The following INF2 variants were observed in gnomAD, a reference collection of about 807,000 sequenced individuals.
The protein encoded by INF2 is inverted formin-2.
In INF2, 43 loss-of-function variants were observed where a neutral mutation model predicts 123.5. The ratio of observed to expected loss-of-function variants is 0.35; its 90% CI spans 0.27 to 0.45. INF2 has a LOEUF of 0.45. Ranked by LOEUF, INF2 falls within the 20% of genes least tolerant of loss-of-function variation. The pLI is 1.00. For synonymous variants in INF2, 851 were observed against 745.0 expected, an observed-to-expected ratio of 1.14 and a Z score of -2.32; for missense variants, 1,453 against 1,682.7, an observed-to-expected ratio of 0.86 and a Z score of 2.39.
At position 104,718,809 on chromosome 14, in the gene INF2, C is replaced by T. The variant is rs199912466; in HGVS notation, c.*16C>T. 6.3e-4 allele frequency: 1,024 copies of T among 1,613,044 alleles called. 3 individuals are homozygous for T. The highest frequency in any genetic ancestry group is 1.0e-3 in the Admixed American group (62 of 60,008). On this transcript the variant is annotated 3_prime_UTR_variant, in exon 23 of 23. Transcript: ENST00000392634. The stretch of plus-strand genomic sequence containing the variant: ...CTCTCTTACAGGCCTCAGGCCCAGG[C>T]CCAAGGCCAAGTGAGAGAGCCCAGG...
At chr14:104,706,197 C>T (rs374505172) in intron 6 of INF2, 21 bp downstream of exon 6, 14 of 1,548,178 alleles carry the variant, frequency 9.0e-6, no homozygotes, top group Admixed American at 5.8e-5. Context: ...GGCTGCAGGG[C>T]GGAGGGCAGC....
rs140767529 is a variant in INF2, at chr14:104,712,786, G to A, written c.2611-42G>A. ...CAGGGCCTCACCCCGGGTGGTGCCCGCGCGGGGCTCTCACGGGACTGTCAC... is the reference window on the plus strand; with the variant it reads ...CAGGGCCTCACCCCGGGTGGTGCCCACGCGGGGCTCTCACGGGACTGTCAC... On this transcript the variant is annotated intron_variant, in intron 17 of 22. Coordinates refer to ENST00000392634, the MANE Select transcript of INF2 (RefSeq NM_022489.4). 1,171 of 1,563,548 alleles carry A rather than the reference G, an allele frequency of 7.5e-4. 9 individuals are homozygous for A. The East Asian group carries it at 0.013, about 18-fold the overall frequency.
chr14:104,694,586 T>A (rs1175419183), intron 1 of INF2, among the ~76,000 whole-genome samples: 1 of 152,174 alleles, frequency 6.6e-6, no homozygotes, highest in African/African-American at 2.4e-5. Context: ...ATTGACACAC[T>A]CATCCGCATT....
intron 1 of INF2, among the ~76,000 whole-genome samples, chr14:104,693,799 G>T (rs1013090222): frequency 6.6e-6 from 1 of 152,330 alleles, no homozygotes; most frequent in East Asian, 1.9e-4. Context: ...CTGGGTCCTT[G>T]CAGGCCCTGG....
intron 1 of INF2, among the ~76,000 whole-genome samples, chr14:104,698,733 G>A (rs1019371883): frequency 4.6e-5 from 7 of 152,204 alleles, no homozygotes; most frequent in East Asian, 1.9e-4. Context: ...AGAGCCTGAC[G>A]GGGGGCCTGG....
At chr14:104,715,102 G>A (rs1002233041) in intron 21 of INF2, among the ~76,000 whole-genome samples, 182 bp from the exon 22 acceptor site, 4 of 152,214 alleles carry the variant, frequency 2.6e-5, no homozygotes, top group Admixed American at 1.3e-4. Flanking sequence ...AGGGAGTAGG[G>A]GGCGGACACC....
At position 104,714,272 on chromosome 14, in the gene INF2, A is replaced by G. The variant is rs781616845; in HGVS notation, c.3110A>G (p.Asp1037Gly). Residue 1037 changes from aspartate to glycine, a missense_variant, in exon 21 of 23, where the codon GAT (aspartate) becomes GGT (glycine). Asp to Gly is a moderately conservative substitution (Grantham distance 94, BLOSUM62 -1). Transcript: ENST00000392634. ...TRCPASEPGLDATTASESRGW... is the reference protein window; with the variant it reads ...TRCPASEPGLGATTASESRGW... Reference sequence around the variant, plus strand: ...TGTCCCGCCTCTGAGCCCGGCCTTGATGCTACAACAGCCAGCGAGTCCCGG... The same window carrying G: ...TGTCCCGCCTCTGAGCCCGGCCTTGGTGCTACAACAGCCAGCGAGTCCCGG... The G allele has an allele frequency of 1.3e-6, 2 of 1,594,980 alleles. No individual in the cohort carries two copies. The highest frequency in any genetic ancestry group is 1.1e-5 in the South Asian group (1 of 87,980).
chr14:104,699,260 T>G lies in INF2; in HGVS notation c.-9-2097T>G. On this transcript the variant is annotated intron_variant, in intron 1 of 22. Coordinates refer to ENST00000392634, the MANE Select transcript of INF2 (RefSeq NM_022489.4). This position sits in a 1 kb window ranked among gnomAD's most constrained non-coding sequence, Gnocchi z 4.7. The stretch of plus-strand genomic sequence containing the variant: ...CAGGGGCCGGGCCTGGGAGAGTTCA[T>G]AACTCCGTCCACTCAGCCTGTGCCA... 2.7e-6 allele frequency: 1 copy of G among 364,902 alleles called. No homozygotes were observed. Among genetic ancestry groups the G allele is most frequent in the Non-Finnish European group, 3.8e-6 (1 of 262,750 alleles). 22.6% of individuals were successfully genotyped at this position (364,902 alleles called of 1,614,324 possible). A position where few individuals can be genotyped will look rare whatever the true frequency, so the allele number is the denominator to read the frequency against.
chr14:104,710,045 G>A (rs542405687), intron 12 of INF2, 43 bp from the exon 13 acceptor site: 1 of 1,475,492 alleles, frequency 6.8e-7, no homozygotes. Flanking sequence ...GCAGGGACAG[G>A]TGGGGGGTGC....
Position 104,708,716 on chromosome 14 carries a change from C to T in INF2, c.1933C>T (p.Leu645=), listed in dbSNP as rs1473677493. 6.2e-7 allele frequency: 1 copy of T among 1,613,124 alleles called. No homozygotes were observed. Among genetic ancestry groups the T allele is most frequent in the Non-Finnish European group, 8.5e-7 (1 of 1,179,854 alleles). Residue 645 remains leucine (L), a synonymous_variant, in exon 10 of 23, where the codon CTG becomes TTG. Coordinates refer to ENST00000392634, the MANE Select transcript of INF2 (RefSeq NM_022489.4). ...GAAGAGCCTGAACCTCAACATCTTC[C>T]TGAAGCAATTTAAGTGGTGAGTGAG... ...AKKSLNLNIF[L]KQFKCSNEEV...
At chr14:104,691,464 C>G (rs1888948120) in intron 1 of INF2, among the ~76,000 whole-genome samples, 1 of 152,162 alleles carries the variant, frequency 6.6e-6, no homozygotes, top group Middle Eastern at 3.2e-3. Context: ...GACCTGACTC[C>G]CTGCTGCCAG....
At chr14:104,693,070 GCCTGGCCAGGCT>G (rs1405687617) in intron 1 of INF2, among the ~76,000 whole-genome samples, 2 of 152,234 alleles carry the variant, frequency 1.3e-5, no homozygotes, top group East Asian at 1.9e-4. Flanking sequence ...ACCACTGGAG[GCCTGGCCAGGCT>G]CCTGGCCGCC....
Position 104,721,409 on chromosome 14 carries a change from G to A in INF2, c.*2616G>A, listed in dbSNP as rs1054911981. 1.2e-5 allele frequency: 2 copies of A among 160,992 alleles called. No homozygotes were observed. The highest frequency in any genetic ancestry group is 1.4e-5 in the Non-Finnish European group (1 of 73,822). 10.0% of individuals were successfully genotyped at this position (160,992 alleles called of 1,614,324 possible). On this transcript the variant is annotated 3_prime_UTR_variant, in exon 23 of 23. Transcript: ENST00000392634. ...TGCTGTGGACGTCTGCGTCGTCCTC[G>A]TGTGGATGCTGCTGTGGACGTCTGT... is the stretch of plus-strand genomic sequence containing the variant.
At position 104,719,005 on chromosome 14, in the gene INF2, C is replaced by G. The variant is rs528973517; in HGVS notation, c.*212C>G. The G allele has an allele frequency of 2.5e-6, 3 of 1,200,822 alleles. No homozygotes were observed. The highest frequency in any genetic ancestry group is 6.1e-5 in the Admixed American group (2 of 32,534). 74.4% of individuals were successfully genotyped at this position (1,200,822 alleles called of 1,614,324 possible). A position where few individuals can be genotyped will look rare whatever the true frequency, so the allele number is the denominator to read the frequency against. On this transcript the variant is annotated 3_prime_UTR_variant, in exon 23 of 23. Coordinates refer to ENST00000392634, the MANE Select transcript of INF2 (RefSeq NM_022489.4). The stretch of plus-strand genomic sequence containing the variant: ...CACCAGTGCCCTGCCAGGCCTGGTG[C>G]CCTCCTGGACCGCCTGCACGTGCCA...
chr14:104,686,226 T>G, upstream of INF2, among the ~76,000 whole-genome samples: 2 of 129,798 alleles, frequency 1.5e-5, no homozygotes, highest in Admixed American at 7.7e-5. Context: ...TGGATGGATG[T>G]GTGAGTGGAT....
upstream of INF2, among the ~76,000 whole-genome samples, chr14:104,685,576 ATGGGTGGATGAAAGGG>A (rs1888633452): frequency 2.5e-5 from 1 of 40,100 alleles, no homozygotes; most frequent in Non-Finnish European, 4.7e-5. Context: ...GAGTGGGTGG[ATGGGTGGATGAAAGGG>A]TGGGTGGGTG....
At chr14:104,691,574 G>A (rs1223103804) in intron 1 of INF2, among the ~76,000 whole-genome samples, 1 of 152,212 alleles carries the variant, frequency 6.6e-6, no homozygotes, top group African/African-American at 2.4e-5. Flanking sequence ...ACCCACCTCT[G>A]TTTTCAGGAT....
Position 104,703,107 on chromosome 14 carries a change from C to T in INF2, c.394C>T (p.Leu132=). 1 of 1,613,128 alleles carries T rather than the reference C, an allele frequency of 6.2e-7. No individual in the cohort carries two copies. Among genetic ancestry groups the T allele is most frequent in the Non-Finnish European group, 8.5e-7 (1 of 1,179,588 alleles). Residue 132 remains leucine (L), a splice_region_variant and synonymous_variant, in exon 3 of 23, where the codon CTG becomes TTG. Transcript: ENST00000392634. ...QGYVRQLSQA[L]DTSNVMVKKQ... is the part of the protein sequence containing the mutation. The stretch of plus-strand genomic sequence containing the variant: ...GCCTGCCCACTCCACCCTGGCAGCC[C>T]TGGACACATCCAACGTGATGGTGAA...
chr14:104,687,362 C>G (rs899693955), upstream of INF2, among the ~76,000 whole-genome samples: 6 of 151,998 alleles, frequency 3.9e-5, no homozygotes, highest in African/African-American at 1.2e-4. This position sits in a 1 kb window ranked among gnomAD's most constrained non-coding sequence, Gnocchi z 5.6. Flanking sequence ...CCGGGTTGAA[C>G]CCTGCTGCCC....
Sources: allele counts gnomAD v4.1 joint callset (sites outside exome capture counted in the v4.1 genomes callset), GRCh38; gene constraint gnomAD v4.1.1; non-coding constraint Gnocchi (gnomAD v3.1); transcripts MANE v1.5; gene names NCBI Gene and HGNC (gene_info 2026-07-23, HGNC 2026-07-21).